ZC3H11A: variants seen among roughly 807,000 people sequenced by gnomAD.
ZC3H11A encodes the protein zinc finger CCCH-type containing 11A, also known as zinc finger CCCH domain-containing protein 11A.
ZC3H11A carries 22 observed loss-of-function variants against 90.8 expected under a neutral mutation model. The observed-to-expected ratio is 0.24, with a 90% CI of 0.17 to 0.35. ZC3H11A has a LOEUF of 0.35. ZC3H11A is among the 10% of genes least tolerant of loss of function. The pLI is 1.00. For synonymous variants in ZC3H11A, 294 were observed against 339.8 expected, an observed-to-expected ratio of 0.87 and a Z score of 1.48; for missense variants, 701 against 964.9, an observed-to-expected ratio of 0.73 and a Z score of 3.62.
chr1:203,796,629 G>C (rs377121953), intron 1 of ZC3H11A: 1 of 395,526 alleles, frequency 2.5e-6, no homozygotes. Context: ...TTGGGGGAAG[G>C]GGAGGGATCA....
chr1:203,805,557 T>C, intron 2 of ZC3H11A: 7 of 590,836 alleles, frequency 1.2e-5, no homozygotes, highest in South Asian at 9.8e-5. Flanking sequence ...ACGGTAAATT[T>C]GGAAAGATCA....
chr1:203,831,138 T>G (rs1240327127), intron 8 of ZC3H11A, among the ~76,000 whole-genome samples: 1 of 151,808 alleles, frequency 6.6e-6, no homozygotes, highest in Non-Finnish European at 1.5e-5. Context: ...AAGACAGGGT[T>G]TCTCCATGTT....
At chr1:203,801,078 A>G (rs1670424884) in intron 1 of ZC3H11A, 1 of 152,202 alleles carries the variant, frequency 6.6e-6, no homozygotes, top group South Asian at 2.1e-4. Flanking sequence ...AGGAAAATAT[A>G]CTTTTAGTCT....
intron 2 of ZC3H11A, among the ~76,000 whole-genome samples, chr1:203,812,235 A>G (rs1004047676): frequency 3.9e-5 from 6 of 152,084 alleles, no homozygotes; most frequent in African/African-American, 7.2e-5. Context: ...TATTAAGCCT[A>G]GTATCTATTA....
chr1:203,836,736 A>G (rs1273839446), intron 10 of ZC3H11A, among the ~76,000 whole-genome samples: 2 of 152,206 alleles, frequency 1.3e-5, no homozygotes, highest in African/African-American at 4.8e-5. Context: ...AGATCTTCCC[A>G]CTGCACTCCA....
Position 203,801,891 on chromosome 1 carries a change from C to A in ZC3H11A, c.-1271C>A, listed in dbSNP as rs938414167. Reference sequence around the variant, plus strand: ...GAAATCTCAACTCCAAAAGTTTACCCTTTTACTAACTGGAGTAAATGTATA... The same window carrying A: ...GAAATCTCAACTCCAAAAGTTTACCATTTTACTAACTGGAGTAAATGTATA... On this transcript the variant is annotated 5_prime_UTR_variant, in exon 2 of 18. Transcript: ENST00000367210. 1 of 152,098 alleles carries A rather than the reference C, an allele frequency of 6.6e-6. No homozygotes were observed. Among genetic ancestry groups the A allele is most frequent in the Non-Finnish European group, 1.5e-5 (1 of 67,964 alleles). The allele number at this position is 152,098 out of a possible 1,614,324, so 9.4% of individuals were successfully genotyped here.
At chr1:203,806,227 G>C (rs530137752) in intron 2 of ZC3H11A, 8 of 376,244 alleles carry the variant, frequency 2.1e-5, no homozygotes, top group African/African-American at 1.5e-4. Flanking sequence ...GCTGGGCAGC[G>C]GAGCCTTAAT....
At chr1:203,829,981 CT>C in intron 7 of ZC3H11A, 85 bp downstream of exon 7, 2 of 1,407,760 alleles carry the variant, frequency 1.4e-6, no homozygotes, top group Non-Finnish European at 2.0e-6. Flanking sequence ...CCTCCCTCTT[CT>C]TTTTCCCATG....
rs2103446352 is a variant in ZC3H11A, at chr1:203,849,964, G to A, written c.1877G>A (p.Gly626Glu). 1 of 1,614,006 alleles carries A rather than the reference G, an allele frequency of 6.2e-7. No homozygotes were observed. The highest frequency in any genetic ancestry group is 2.2e-5 in the East Asian group (1 of 44,862). Residue 626 changes from glycine to glutamate, a missense_variant, in exon 15 of 18, where the codon GGG becomes GAG. By Grantham distance (98) the Gly-to-Glu change is moderately conservative. Around this residue, in one of 4 missense-constraint regions of ZC3H11A, gnomAD observed 530 missense variants for 696.2 expected, o/e 0.76. Transcript: ENST00000367210. ...SSQKVEVETS[G>E]IGDSLLNVKC... ...CAGAAGGTGGAGGTAGAAACCTCAG[G>A]GATTGGAGACTCATTATTGAATGTG...
chr1:203,800,107 C>G (rs921310418), intron 1 of ZC3H11A: 2 of 1,536,032 alleles, frequency 1.3e-6, no homozygotes, highest in African/African-American at 2.7e-5. Flanking sequence ...ATGTTCCCTT[C>G]TGCTGTAGCA....
chr1:203,827,542 T>C (rs576839538), intron 4 of ZC3H11A, among the ~76,000 whole-genome samples: 1 of 151,664 alleles, frequency 6.6e-6, no homozygotes, highest in African/African-American at 2.4e-5. Context: ...ATTAGCCGAG[T>C]GTGGTGGCAG....
At chr1:203,824,407 G>A (rs1679809761) in intron 4 of ZC3H11A, among the ~76,000 whole-genome samples, 1 of 152,126 alleles carries the variant, frequency 6.6e-6, no homozygotes. Flanking sequence ...ATGAGAAGGA[G>A]TCTTTTTATC....
In ZC3H11A at chr1:203,849,810, A is replaced by G; in HGVS notation, c.1723A>G (p.Lys575Glu). 1.9e-6 allele frequency: 3 copies of G among 1,613,978 alleles called. No homozygotes were observed. The highest frequency in any genetic ancestry group is 2.5e-6 in the Non-Finnish European group (3 of 1,179,912). ...CATGCAGAAACAGCAGGAGAGGGAA[A>G]AATCAGTCTTGACACCTCTTCGGGG... is the stretch of plus-strand genomic sequence containing the variant. Reference protein sequence around the residue: ...KHMQKQQEREKSVLTPLRGDV... With the variant: ...KHMQKQQEREESVLTPLRGDV... The change falls in exon 15 of 18, where the codon AAA becomes GAA. Residue 575 changes from lysine (K) to glutamate (E), a missense_variant. This residue lies in a region of ZC3H11A where 530 missense variants were observed against 696.2 expected (regional missense o/e 0.76). Transcript: ENST00000367210.
In ZC3H11A at chr1:203,853,579, G is replaced by T. The variant is rs1689669468; in HGVS notation, c.*1180G>T. On this transcript the variant is annotated 3_prime_UTR_variant, in exon 18 of 18. Coordinates refer to ENST00000367210, the MANE Select transcript of ZC3H11A (RefSeq NM_001376342.1). ...ATAATCAGGAGGAAGAGGAAGGAAG[G>T]ACTTACCCATTTTGATATTTTGCTG... The T allele has an allele frequency of 6.6e-6, 1 of 152,606 alleles. No homozygotes were observed. Among genetic ancestry groups the T allele is most frequent in the Non-Finnish European group, 1.5e-5 (1 of 68,050 alleles). 9.5% of individuals were successfully genotyped at this position (152,606 alleles called of 1,614,324 possible).
intron 11 of ZC3H11A, among the ~76,000 whole-genome samples, chr1:203,838,329 A>G (rs952277013): frequency 5.3e-5 from 8 of 152,202 alleles, no homozygotes; most frequent in African/African-American, 1.9e-4. Context: ...TTTGTAACAG[A>G]GAAAAGTACA....
At chr1:203,821,784 G>A (rs1487455240) in intron 4 of ZC3H11A, among the ~76,000 whole-genome samples, 1 of 150,914 alleles carries the variant, frequency 6.6e-6, no homozygotes, top group Non-Finnish European at 1.5e-5. Context: ...TTGAGACGGA[G>A]TCTTGCTCTA....
In ZC3H11A at chr1:203,815,211, C is replaced by CTTTCTTTTTTTTTTTTT. The variant is rs779729339; in HGVS notation, c.-145-1712_-145-1711insCTTTTTTTTTTTTTTTT. 2.4e-4 allele frequency among the ~76,000 whole-genome samples: 14 copies of CTTTCTTTTTTTTTTTTT among 59,418 alleles called. 2 individuals are homozygous for CTTTCTTTTTTTTTTTTT. Among genetic ancestry groups the CTTTCTTTTTTTTTTTTT allele is most frequent in the Admixed American group, 1.3e-3 (5 of 3,822 alleles). 39.0% of individuals were successfully genotyped at this position (59,418 alleles called of 152,430 possible). On this transcript the variant is annotated intron_variant, in intron 2 of 17. Coordinates refer to ENST00000367210, the MANE Select transcript of ZC3H11A (RefSeq NM_001376342.1). Reference sequence around the variant, plus strand: ...GTTATTTCATTATTTTCTTCCTTTTCTTTTCTTTTTTTTTTTTTTTTGAGA... The same window carrying CTTTCTTTTTTTTTTTTT: ...GTTATTTCATTATTTTCTTCCTTTTCTTTCTTTTTTTTTTTTTTTTTCTTTTTTTTTTTTTTTTGAGA...
intron 1 of ZC3H11A, chr1:203,797,023 T>C (rs1668759092): frequency 6.5e-6 from 1 of 153,344 alleles, no homozygotes; most frequent in Admixed American, 6.5e-5. Context: ...ACTATGTTTT[T>C]GTTTAAATGA....
intron 10 of ZC3H11A, among the ~76,000 whole-genome samples, chr1:203,836,750 TG>T (rs1684476563): frequency 6.6e-6 from 1 of 152,182 alleles, no homozygotes; most frequent in African/African-American, 2.4e-5. Flanking sequence ...CACTCCAGCC[TG>T]GGCGAAAGAA....
Sources: gnomAD v4.1 joint callset for allele counts (sites outside exome capture counted in the v4.1 genomes callset) on GRCh38, gnomAD v4.1.1 for gene constraint, gnomAD v4.1.1 regional missense constraint, MANE v1.5 for transcripts, NCBI Gene and HGNC (gene_info 2026-07-23, HGNC 2026-07-21) for gene names.